DYNC2H1: variants seen among roughly 807,000 people sequenced by gnomAD.
DYNC2H1 encodes the protein cytoplasmic dynein 2 heavy chain 1.
DYNC2H1 carries 410 observed loss-of-function variants against 570.0 expected under a neutral mutation model. The ratio of observed to expected loss-of-function variants is 0.72; its 90% confidence interval spans 0.66 to 0.78. DYNC2H1 has a LOEUF of 0.78. DYNC2H1 is among the 30% of genes least tolerant of loss of function. The pLI, the probability that DYNC2H1 is intolerant of heterozygous loss-of-function variation, is 0.00. For synonymous variants in DYNC2H1, 1,688 were observed against 1,677.6 expected (o/e 1.01, Z -0.15); for missense variants, 4,865 against 5,046.4 (o/e 0.96, Z 1.09).
intron 30 of DYNC2H1, among the ~76,000 whole-genome samples, chr11:103,164,533 T>C (rs1861220645): frequency 6.6e-6 from 1 of 152,168 alleles, no homozygotes; most frequent in Non-Finnish European, 1.5e-5. Flanking sequence ...ACTTTTTTGG[T>C]ATGGGAAGGA....
intron 81 of DYNC2H1, among the ~76,000 whole-genome samples, chr11:103,322,563 G>A (rs313395): frequency 0.44 from 66,529 of 151,784 alleles, 15,797 homozygotes; most frequent in Admixed American, 0.57. Context: ...ATTATATCAC[G>A]TGGTATATAT....
rs184980255 is a variant in DYNC2H1, at chr11:103,132,069, A to G, written c.1954-1486A>G. Reference sequence around the variant, plus strand: ...TCTTCCTTTTAGGAAGCATGTATATATGTATACACATATAATGCTTAGGAA... The same window carrying G: ...TCTTCCTTTTAGGAAGCATGTATATGTGTATACACATATAATGCTTAGGAA... On this transcript the variant is annotated intron_variant, in intron 13 of 88. Transcript: ENST00000375735. Among the ~76,000 whole-genome samples, 19 of 152,258 alleles carry G rather than the reference A, an allele frequency of 1.2e-4. No individual in the cohort carries two copies. The East Asian group carries it at 3.3e-3, about 26-fold the overall frequency.
At chr11:103,148,358 C>A in intron 19 of DYNC2H1, 132 bp from the exon 20 acceptor site, 2 of 958,178 alleles carry the variant, frequency 2.1e-6, no homozygotes, top group Admixed American at 7.3e-5. Context: ...TTTATGAAAG[C>A]AAATGATAAT....
rs1384448699 is a variant in DYNC2H1, at chr11:103,455,166, T to C, written c.12457-20T>C. 1 of 1,579,094 alleles carries C rather than the reference T, an allele frequency of 6.3e-7. No individual in the cohort carries two copies. Among genetic ancestry groups the C allele is most frequent in the South Asian group, 1.1e-5 (1 of 89,864 alleles). On this transcript the variant is annotated intron_variant, in intron 85 of 88. Transcript: ENST00000375735. ...TATAAGTGTGTGTGTATTTATATGTTCATATTTCCCCCCCTCTAGAACTGG... is the reference window on the plus strand; with the variant it reads ...TATAAGTGTGTGTGTATTTATATGTCCATATTTCCCCCCCTCTAGAACTGG...
Position 103,177,746 on chromosome 11 carries a change from T to C in DYNC2H1, c.6065T>C (p.Ile2022Thr). The C allele has an allele frequency of 1.9e-6, 3 of 1,613,532 alleles. No individual in the cohort carries two copies. Among genetic ancestry groups the C allele is most frequent in the Non-Finnish European group, 2.5e-6 (3 of 1,179,696 alleles). Reference protein sequence around the residue: ...AMPRYQLLGHIDMDTREWSDG... With the variant: ...AMPRYQLLGHTDMDTREWSDG... ...CCTCGATATCAATTATTAGGCCATA[T>C]TGACATGGACACAAGAGAATGGTCT... The change falls in exon 38 of 89, where the codon ATT (isoleucine) becomes ACT (threonine). Residue 2022 changes from isoleucine to threonine, a missense_variant. By Grantham distance (89) the Ile-to-Thr change is moderately conservative (BLOSUM62 -1). Coordinates refer to ENST00000375735, the MANE Select transcript of DYNC2H1 (RefSeq NM_001377.3). This position sits in a 1 kb window ranked among gnomAD's most constrained non-coding sequence, Gnocchi z 4.4.
chr11:103,360,156 G>A (rs1940569611), intron 83 of DYNC2H1, among the ~76,000 whole-genome samples: 1 of 151,774 alleles, frequency 6.6e-6, no homozygotes, highest in Admixed American at 6.6e-5. Flanking sequence ...GTTGCTCAAA[G>A]GTTTCATTTT....
intron 83 of DYNC2H1, among the ~76,000 whole-genome samples, chr11:103,378,290 C>T (rs974550654): frequency 4.6e-5 from 7 of 152,104 alleles, no homozygotes; most frequent in Non-Finnish European, 1.0e-4. Flanking sequence ...AGTCACTTTG[C>T]TCTTTCATTT....
intron 85 of DYNC2H1, among the ~76,000 whole-genome samples, chr11:103,436,610 A>G (rs1313358029): frequency 2.0e-5 from 3 of 152,124 alleles, no homozygotes; most frequent in Non-Finnish European, 2.9e-5. Flanking sequence ...GTCTACTATC[A>G]CATGAATAAC....
In DYNC2H1 at chr11:103,156,371, T is replaced by A; in HGVS notation, c.3745-17T>A. ...TTAATGTTGAAGTAATAAACATGGA[T>A]ATTTTGTGTTAAATAGGATTTAAAT... is the stretch of plus-strand genomic sequence containing the variant. On this transcript the variant is annotated splice_polypyrimidine_tract_variant and intron_variant, in intron 25 of 88. Transcript: ENST00000375735. The A allele has an allele frequency of 6.3e-7, 1 of 1,598,334 alleles. No homozygotes were observed. The highest frequency in any genetic ancestry group is 8.5e-7 in the Non-Finnish European group (1 of 1,174,864).
intron 83 of DYNC2H1, among the ~76,000 whole-genome samples, chr11:103,370,889 A>G (rs1222985085): frequency 6.6e-6 from 1 of 152,072 alleles, no homozygotes; most frequent in Non-Finnish European, 1.5e-5. Context: ...ATAAATAACT[A>G]ACTCTTCAAT....
At position 103,324,804 on chromosome 11, in the gene DYNC2H1, G is replaced by T; in HGVS notation, c.12039+814G>T. ...AATCGCCAAACTATTTTCCACAATG[G>T]TTGATCTAATTTGCATTCCCACCAG... On this transcript the variant is annotated intron_variant, in intron 82 of 88. Coordinates refer to ENST00000375735, the MANE Select transcript of DYNC2H1 (RefSeq NM_001377.3). The surrounding 1 kb of genome is among the most constrained non-coding windows in gnomAD (Gnocchi z 5.2). Among the ~76,000 whole-genome samples, 1 of 152,240 alleles carries T rather than the reference G, an allele frequency of 6.6e-6. No homozygotes were observed. The highest frequency in any genetic ancestry group is 1.9e-4 in the East Asian group (1 of 5,180).
At chr11:103,214,084 G>T (rs1863270426) in intron 54 of DYNC2H1, among the ~76,000 whole-genome samples, 1 of 151,992 alleles carries the variant, frequency 6.6e-6, no homozygotes, top group African/African-American at 2.4e-5. Context: ...TAATGAAGAG[G>T]GTGTCCTTTT....
intron 29 of DYNC2H1, among the ~76,000 whole-genome samples, chr11:103,162,709 T>C (rs1242820445): frequency 2.6e-5 from 4 of 152,198 alleles, no homozygotes; most frequent in Non-Finnish European, 4.4e-5. Context: ...GGTCGACTTT[T>C]AAATGCTCAT....
chr11:103,115,215 G>A lies in DYNC2H1; in HGVS notation c.541G>A (p.Glu181Lys), dbSNP rs1212515834. The stretch of plus-strand genomic sequence containing the variant: ...AAGCGATGAGTTCCAGTTTTGGATA[G>A]AACAAGCTCACCGTGGAAATAAACA... ...TPSDEFQFWI[E>K]QAHRGNKQIS... The change falls in exon 4 of 89, where the codon GAA becomes AAA. Residue 181 changes from glutamate to lysine, a missense_variant. This residue lies in a region of DYNC2H1 where 1,936 missense variants were observed against 1,962.1 expected (regional missense o/e 0.99). Coordinates refer to ENST00000375735, the MANE Select transcript of DYNC2H1 (RefSeq NM_001377.3). The A allele has an allele frequency of 6.2e-7, 1 of 1,610,852 alleles. No homozygotes were observed. Among genetic ancestry groups the A allele is most frequent in the Non-Finnish European group, 8.5e-7 (1 of 1,178,536 alleles).
At position 103,120,484 on chromosome 11, in the gene DYNC2H1, A is replaced by G. The variant is rs562024274; in HGVS notation, c.1037A>G (p.Tyr346Cys). 4.3e-6 allele frequency: 7 copies of G among 1,612,368 alleles called. No homozygotes were observed. The African/African-American group carries it at 5.3e-5, about 12-fold the overall frequency. ...AGAACAATTCATGAGAAGTTTCTCT[A>G]TTTTCTACCTGCCAGTGAAGAGAAA... ...AIRTIHEKFL[Y>C]FLPASEEKII... Residue 346 changes from tyrosine (Y) to cysteine (C), a missense_variant, in exon 7 of 89, where the codon TAT (tyrosine) becomes TGT (cysteine). Physicochemically the swap from Tyr to Cys is radical, Grantham distance 194 (BLOSUM62 -2). Around this residue, in one of 5 missense-constraint regions of DYNC2H1, gnomAD observed 1,936 missense variants for 1,962.1 expected, o/e 0.99. Coordinates refer to ENST00000375735, the MANE Select transcript of DYNC2H1 (RefSeq NM_001377.3).
chr11:103,126,209 A>G (rs1858990645), intron 12 of DYNC2H1, among the ~76,000 whole-genome samples: 2 of 152,230 alleles, frequency 1.3e-5, no homozygotes, highest in Admixed American at 1.3e-4. Context: ...GTACTATCAT[A>G]GTCAGGCACA....
At chr11:103,147,385 G>T (rs1369776121) in intron 18 of DYNC2H1, among the ~76,000 whole-genome samples, 2 of 151,348 alleles carry the variant, frequency 1.3e-5, no homozygotes, top group Non-Finnish European at 2.9e-5. Flanking sequence ...TATTTTTATT[G>T]TTTGTATTTT....
chr11:103,423,623 C>T (rs1323477382), intron 84 of DYNC2H1, among the ~76,000 whole-genome samples: 1 of 151,792 alleles, frequency 6.6e-6, no homozygotes, highest in African/African-American at 2.4e-5. Flanking sequence ...TTAACCTTCT[C>T]TTTAAAAGAC....
chr11:103,417,316 T>TGTTGGTCAGGAG (rs1192664954), intron 84 of DYNC2H1, among the ~76,000 whole-genome samples: 37 of 151,788 alleles, frequency 2.4e-4, no homozygotes, highest in African/African-American at 2.2e-4. Context: ...TTGGTCAGGA[T>TGTTGGTCAGGAG]GGTCTCGATC....
Sources: allele counts gnomAD v4.1 joint callset (sites outside exome capture counted in the v4.1 genomes callset), GRCh38; gene constraint gnomAD v4.1.1; regional missense constraint gnomAD v4.1.1; non-coding constraint Gnocchi (gnomAD v3.1); transcripts MANE v1.5; gene names NCBI Gene and HGNC (gene_info 2026-07-23, HGNC 2026-07-21).